RALGAPA2: variants seen among roughly 807,000 people sequenced by gnomAD.
RALGAPA2 encodes the protein ral GTPase-activating protein subunit alpha-2.
In RALGAPA2, 139 loss-of-function variants were observed where a neutral mutation model predicts 230.4. The ratio of observed to expected loss-of-function variants is 0.60; its 90% CI spans 0.53 to 0.69. The LOEUF is 0.69. Ranked by LOEUF, RALGAPA2 falls within the 30% of genes least tolerant of loss-of-function variation. RALGAPA2 has a pLI of 0.00. For synonymous variants in RALGAPA2, 847 were observed against 837.8 expected (o/e 1.01, Z -0.19); for missense variants, 2,163 against 2,276.0 (o/e 0.95, Z 1.01).
intron 33 of RALGAPA2, among the ~76,000 whole-genome samples, chr20:20,507,622 G>A (rs2062571723): frequency 6.6e-6 from 1 of 152,182 alleles, no homozygotes; most frequent in African/African-American, 2.4e-5. Context: ...CTCCCAAAGT[G>A]TTGGCTTTAT....
intron 23 of RALGAPA2, among the ~76,000 whole-genome samples, chr20:20,566,467 C>T (rs371542521): frequency 6.6e-6 from 1 of 151,916 alleles, no homozygotes; most frequent in African/African-American, 2.4e-5. Flanking sequence ...GTTTTTTAGT[C>T]AAATCATTAT....
chr20:20,539,534 T>A (rs958809735), intron 24 of RALGAPA2, among the ~76,000 whole-genome samples: 1 of 152,214 alleles, frequency 6.6e-6, no homozygotes, highest in African/African-American at 2.4e-5. Context: ...ATATACAACA[T>A]GTTTTGATAC....
Position 20,393,036 on chromosome 20 carries a change from CA to C in RALGAPA2, c.*252del. 1 of 1,253,402 alleles carries C rather than the reference CA, an allele frequency of 8.0e-7. No individual in the cohort carries two copies. Among genetic ancestry groups the C allele is most frequent in the South Asian group, 1.3e-5 (1 of 79,564 alleles). 77.6% of individuals were successfully genotyped at this position (1,253,402 alleles called of 1,614,324 possible). ...TGTGAGGTTTCAGGACAAGATGATA[CA>C]GCCTAGTTTGAGTCCCATCTGAGAC... is the stretch of plus-strand genomic sequence containing the variant. On this transcript the variant is annotated 3_prime_UTR_variant, in exon 40 of 40. Coordinates refer to ENST00000202677, the MANE Select transcript of RALGAPA2 (RefSeq NM_020343.4).
At chr20:20,424,095 G>A (rs948857885) in intron 37 of RALGAPA2, among the ~76,000 whole-genome samples, 1 of 152,126 alleles carries the variant, frequency 6.6e-6, no homozygotes, top group African/African-American at 2.4e-5. Flanking sequence ...CCTAGAATCC[G>A]AGGCGCTCCA....
At chr20:20,503,592 T>A (rs2062443503) in intron 34 of RALGAPA2, 86 bp from the exon 35 acceptor site, 5 of 1,106,936 alleles carry the variant, frequency 4.5e-6, no homozygotes, top group South Asian at 6.6e-5. Context: ...AGAAAAAAAA[T>A]AAATTATTTT....
chr20:20,523,150 T>C (rs1330493257), intron 30 of RALGAPA2, among the ~76,000 whole-genome samples: 1 of 152,130 alleles, frequency 6.6e-6, no homozygotes, highest in African/African-American at 2.4e-5. Flanking sequence ...CACAGAATTT[T>C]CCCTCCATAG....
At chr20:20,647,210 C>T (rs2067243720) in intron 4 of RALGAPA2, among the ~76,000 whole-genome samples, 1 of 152,136 alleles carries the variant, frequency 6.6e-6, no homozygotes, top group Non-Finnish European at 1.5e-5. Context: ...AAAACTTTAA[C>T]ATTATAAAAT....
chr20:20,601,775 C>G lies in RALGAPA2; in HGVS notation c.2110G>C (p.Asp704His). 1 of 1,613,792 alleles carries G rather than the reference C, an allele frequency of 6.2e-7. No individual in the cohort carries two copies. The highest frequency in any genetic ancestry group is 8.5e-7 in the Non-Finnish European group (1 of 1,179,746). ...SFSLSWRSHP[D>H]VTEPMRFRSA... ...CTAAATCGCATCGGTTCGGTCACAT[C>G]TGGGTGGCTCCGCCAGCTGAGAGAA... Residue 704 changes from aspartate (D) to histidine (H), a missense_variant, in exon 16 of 40, where the codon GAT becomes CAT. Physicochemically the swap from Asp to His is moderately conservative, Grantham distance 81. Transcript: ENST00000202677.
At chr20:20,485,965 C>A (rs1245100401) in intron 36 of RALGAPA2, among the ~76,000 whole-genome samples, 6 of 152,050 alleles carry the variant, frequency 3.9e-5, no homozygotes, top group African/African-American at 1.4e-4. Context: ...CATGGCAAAA[C>A]CCTGTCTCTA....
At chr20:20,478,830 C>T (rs942628313) in intron 36 of RALGAPA2, among the ~76,000 whole-genome samples, 4 of 151,584 alleles carry the variant, frequency 2.6e-5, no homozygotes, top group African/African-American at 7.3e-5. Flanking sequence ...AGGTAACAAA[C>T]CTGCACATGT....
chr20:20,458,371 T>C (rs1308720437), intron 37 of RALGAPA2, among the ~76,000 whole-genome samples: 1 of 148,394 alleles, frequency 6.7e-6, no homozygotes, highest in Non-Finnish European at 1.5e-5. Context: ...TTTGAATCTG[T>C]TTGTCCAAAA....
intron 3 of RALGAPA2, among the ~76,000 whole-genome samples, chr20:20,653,868 AAAT>A (rs1424707094): frequency 2.0e-5 from 3 of 152,072 alleles, no homozygotes; most frequent in Admixed American, 1.3e-4. Flanking sequence ...TATCTTAATT[AAAT>A]AATAGCCATT....
chr20:20,514,051 C>T (rs1055519320), intron 31 of RALGAPA2, among the ~76,000 whole-genome samples: 3 of 152,190 alleles, frequency 2.0e-5, no homozygotes, highest in African/African-American at 7.2e-5. Context: ...CCAGGCAGGA[C>T]TCCAGGCAGT....
At chr20:20,540,500 G>A (rs1203145800) in intron 24 of RALGAPA2, among the ~76,000 whole-genome samples, 2 of 152,136 alleles carry the variant, frequency 1.3e-5, no homozygotes, top group Admixed American at 6.5e-5. Flanking sequence ...CTCTTTTACT[G>A]TAGTTTCAAA....
intron 3 of RALGAPA2, among the ~76,000 whole-genome samples, chr20:20,668,920 TGTGA>T (rs2068045346): frequency 1.3e-5 from 2 of 152,166 alleles, no homozygotes; most frequent in African/African-American, 4.8e-5. Context: ...GGGAGAGGAC[TGTGA>T]GTGTTAGACC....
At chr20:20,698,329 G>A (rs573656463) in intron 1 of RALGAPA2, among the ~76,000 whole-genome samples, 1 of 151,086 alleles carries the variant, frequency 6.6e-6, no homozygotes, top group African/African-American at 2.4e-5. Flanking sequence ...GGAGTGCAGT[G>A]GCTCAATCTC....
At position 20,594,966 on chromosome 20, in the gene RALGAPA2, C is replaced by G. The variant is rs181526547; in HGVS notation, c.2204-3652G>C. Reference sequence around the variant, plus strand: ...CGATCTCCTGACCTCATGATCCACCCGCCTTGGCCTCCCAAAGTATTGGGA... The same window carrying G: ...CGATCTCCTGACCTCATGATCCACCGGCCTTGGCCTCCCAAAGTATTGGGA... On this transcript the variant is annotated intron_variant, in intron 16 of 39. Transcript: ENST00000202677. 1.8e-3 allele frequency among the ~76,000 whole-genome samples: 277 copies of G among 152,138 alleles called. 2 individuals are homozygous for G. Among genetic ancestry groups the G allele is most frequent in the African/African-American group, 6.2e-3 (259 of 41,504 alleles).
chr20:20,710,789 C>T (rs149559956), intron 1 of RALGAPA2, among the ~76,000 whole-genome samples: 15 of 152,318 alleles, frequency 9.8e-5, no homozygotes, highest in African/African-American at 3.1e-4. Flanking sequence ...TAAAATGTAG[C>T]CAACTTAATC....
intron 3 of RALGAPA2, among the ~76,000 whole-genome samples, chr20:20,656,644 T>C (rs1025970162): frequency 6.6e-6 from 1 of 152,198 alleles, no homozygotes; most frequent in African/African-American, 2.4e-5. Context: ...TCAAGTTACA[T>C]TACATTAAAA....
Sources: gnomAD v4.1 joint callset for allele counts (sites outside exome capture counted in the v4.1 genomes callset) on GRCh38, gnomAD v4.1.1 for gene constraint, MANE v1.5 for transcripts, NCBI Gene and HGNC (gene_info 2026-07-23, HGNC 2026-07-21) for gene names.